LPP: variants seen among roughly 807,000 people sequenced by gnomAD.
LPP encodes the protein LIM domain containing preferred translocation partner in lipoma.
Under a neutral mutation model 60.4 loss-of-function variants are expected in LPP, and 38 were observed. The ratio of observed to expected loss-of-function variants is 0.63; its 90% confidence interval spans 0.49 to 0.83. The LOEUF is 0.83. LPP is among the 40% of genes least tolerant of loss of function. The pLI, the probability that LPP is intolerant of heterozygous loss-of-function variation, is 0.00. For missense variants in LPP, 902 were observed against 783.6 expected (o/e 1.15, Z -1.80); for synonymous variants, 328 against 290.8 (o/e 1.13, Z -1.30).
intron 2 of LPP, among the ~76,000 whole-genome samples, chr3:188,284,296 A>C (rs1266183962): frequency 6.6e-6 from 1 of 151,958 alleles, no homozygotes; most frequent in East Asian, 2.0e-4. Flanking sequence ...AGAAAGATGG[A>C]GTTAGAAGGG....
chr3:188,174,097 G>A (rs12639198), intron 1 of LPP, among the ~76,000 whole-genome samples: 39,285 of 152,102 alleles, frequency 0.26, 5,079 homozygotes, highest in Non-Finnish European at 0.28. Flanking sequence ...GTTTGAAAAA[G>A]AAGCCTTGAA....
At position 188,488,130 on chromosome 3, in the gene LPP, A is replaced by C. The variant is rs1807154809; in HGVS notation, c.306+3426A>C. 2.7e-5 allele frequency among the ~76,000 whole-genome samples: 4 copies of C among 150,804 alleles called. No homozygotes were observed. The South Asian group carries it at 8.4e-4, about 32-fold the overall frequency. On this transcript the variant is annotated intron_variant, in intron 5 of 11. Transcript: ENST00000617246. ...TGAAAAATCTTGACTCCTGGCCTTGACCTTCTTCCTGCTGTCCCAGATGGC... is the reference window on the plus strand; with the variant it reads ...TGAAAAATCTTGACTCCTGGCCTTGCCCTTCTTCCTGCTGTCCCAGATGGC...
Position 188,299,091 on chromosome 3 carries a change from A to G in LPP, c.-66-42572A>G, listed in dbSNP as rs541016738. 5.4e-4 allele frequency among the ~76,000 whole-genome samples: 83 copies of G among 152,318 alleles called. 2 individuals are homozygous for G. The highest frequency in any genetic ancestry group is 3.6e-3 in the Admixed American group (55 of 15,304). On this transcript the variant is annotated intron_variant, in intron 2 of 11. Coordinates refer to ENST00000617246, the MANE Select transcript of LPP (RefSeq NM_001375462.1). ...ATCAGAATCAGTTAACTCTTTATCA[A>G]AAAACCCAGAGCAGACAGACGGGTG...
At chr3:188,860,641 GA>G (rs113944782) in intron 9 of LPP, among the ~76,000 whole-genome samples, 4 of 150,532 alleles carry the variant, frequency 2.7e-5, no homozygotes, top group South Asian at 2.1e-4. Flanking sequence ...TGGTTAAATA[GA>G]AAAAAAAAAC....
intron 9 of LPP, among the ~76,000 whole-genome samples, chr3:188,787,272 T>C (rs532946229): frequency 4.3e-4 from 66 of 152,142 alleles, no homozygotes; most frequent in Non-Finnish European, 7.2e-4. Flanking sequence ...TTCATATGAA[T>C]CTACAATTAT....
chr3:188,187,267 T>C (rs895000667), intron 1 of LPP, among the ~76,000 whole-genome samples: 8 of 152,280 alleles, frequency 5.3e-5, no homozygotes, highest in African/African-American at 1.9e-4. Flanking sequence ...TATTGCTTAA[T>C]ACAGGGCTAA....
intron 3 of LPP, among the ~76,000 whole-genome samples, chr3:188,388,236 G>A (rs1381954314): frequency 6.6e-6 from 1 of 152,148 alleles, no homozygotes; most frequent in African/African-American, 2.4e-5. Context: ...TGAATAAGTT[G>A]AGACATGCCT....
At chr3:188,507,852 C>G (rs1487420407) in intron 5 of LPP, among the ~76,000 whole-genome samples, 1 of 152,162 alleles carries the variant, frequency 6.6e-6, no homozygotes, top group East Asian at 1.9e-4. Flanking sequence ...CAGTTTCTGT[C>G]CTTGGTAAAA....
At chr3:188,551,014 TA>T (rs984536221) in intron 6 of LPP, among the ~76,000 whole-genome samples, 1 of 152,164 alleles carries the variant, frequency 6.6e-6, no homozygotes, top group South Asian at 2.1e-4. Context: ...AATTTTTATA[TA>T]AAAAAGTAGT....
At chr3:188,814,857 C>T (rs1185477448) in intron 9 of LPP, among the ~76,000 whole-genome samples, 2 of 152,164 alleles carry the variant, frequency 1.3e-5, no homozygotes, top group Non-Finnish European at 2.9e-5. Context: ...AAGTCATTAG[C>T]GGCAGAGCCC....
chr3:188,739,463 G>A (rs1723665242), intron 8 of LPP, among the ~76,000 whole-genome samples: 1 of 152,080 alleles, frequency 6.6e-6, no homozygotes, highest in African/African-American at 2.4e-5. Flanking sequence ...ACATGGGGCA[G>A]GTAGAAAACA....
chr3:188,719,129 T>C (rs1715287294), intron 8 of LPP, among the ~76,000 whole-genome samples: 2 of 152,186 alleles, frequency 1.3e-5, no homozygotes, highest in African/African-American at 4.8e-5. Flanking sequence ...ATTTAAAGGT[T>C]CAACTGGTCA....
chr3:188,834,744 A>G (rs1010895061), intron 9 of LPP, among the ~76,000 whole-genome samples: 1 of 152,132 alleles, frequency 6.6e-6, no homozygotes, highest in Non-Finnish European at 1.5e-5. Context: ...CTTAGGTTCC[A>G]TGTCTCGTGG....
At chr3:188,166,136 C>T (rs565260740) in intron 1 of LPP, among the ~76,000 whole-genome samples, 1 of 152,148 alleles carries the variant, frequency 6.6e-6, no homozygotes, top group South Asian at 2.1e-4. Flanking sequence ...TCTGCGAGGT[C>T]TTTAAGACCT....
At chr3:188,809,000 A>G (rs1310360257) in intron 9 of LPP, among the ~76,000 whole-genome samples, 1 of 152,228 alleles carries the variant, frequency 6.6e-6, no homozygotes. Flanking sequence ...TGTCACTGCA[A>G]AGGACATGAC....
intron 7 of LPP, among the ~76,000 whole-genome samples, chr3:188,685,538 T>C (rs1408284338): frequency 6.6e-6 from 1 of 152,266 alleles, no homozygotes; most frequent in South Asian, 2.1e-4. Flanking sequence ...ATCTAATTTG[T>C]TTAATGGGGC....
At chr3:188,285,580 T>C (rs1271178140) in intron 2 of LPP, among the ~76,000 whole-genome samples, 2 of 152,150 alleles carry the variant, frequency 1.3e-5, no homozygotes, top group Non-Finnish European at 2.9e-5. Flanking sequence ...AAAGTTTTTC[T>C]TTGTTGAGAT....
At chr3:188,796,442 C>G (rs1560215473) in intron 9 of LPP, among the ~76,000 whole-genome samples, 1 of 152,164 alleles carries the variant, frequency 6.6e-6, no homozygotes, top group Non-Finnish European at 1.5e-5. Context: ...TACCACCCAT[C>G]CATTACAGGC....
chr3:188,376,329 T>C (rs1381136895), intron 3 of LPP, among the ~76,000 whole-genome samples: 1 of 151,920 alleles, frequency 6.6e-6, no homozygotes, highest in Admixed American at 6.6e-5. Context: ...ATTATTATTG[T>C]GTGGGAGTCT....
Sources: gnomAD v4.1 joint callset for allele counts (sites outside exome capture counted in the v4.1 genomes callset) on GRCh38, gnomAD v4.1.1 for gene constraint, MANE v1.5 for transcripts, NCBI Gene and HGNC (gene_info 2026-07-23, HGNC 2026-07-21) for gene names.